The following DMD variants were observed in gnomAD, a reference collection of about 807,000 sequenced individuals.
DMD encodes the protein dystrophin.
In DMD, 63 loss-of-function variants were observed where a neutral mutation model predicts 330.1. The observed-to-expected ratio is 0.19, with a 90% CI of 0.16 to 0.24. The LOEUF (loss-of-function observed/expected upper bound fraction) is 0.24. Ranked by LOEUF, DMD falls within the 10% of genes least tolerant of loss-of-function variation. DMD has a pLI of 1.00. For synonymous variants in DMD, 1,223 were observed against 959.8 expected (o/e 1.27, Z -5.07); for missense variants, 3,344 against 2,684.1 (o/e 1.25, Z -5.43).
chrX:31,805,978 C>T (rs1255493593), intron 50 of DMD, among the ~76,000 whole-genome samples: 1 of 112,222 alleles, frequency 8.9e-6, no homozygotes, highest in East Asian at 2.8e-4. Context: ...TATTGGAACA[C>T]AGCCACACTT....
intron 50 of DMD, among the ~76,000 whole-genome samples, chrX:31,812,578 T>A (rs970463491): frequency 9.0e-6 from 1 of 110,992 alleles, no homozygotes; most frequent in Non-Finnish European, 1.9e-5. Context: ...AAAAAAAAGT[T>A]AAGCAAAAAT....
At chrX:31,325,451 A>AG (rs1452048687) in intron 61 of DMD, among the ~76,000 whole-genome samples, 1 of 105,487 alleles carries the variant, frequency 9.5e-6, no homozygotes, top group Non-Finnish European at 1.9e-5. Context: ...AATACCAAAA[A>AG]AAAAAAAAAA....
intron 16 of DMD, among the ~76,000 whole-genome samples, chrX:32,553,058 A>T (rs2049762262): frequency 8.9e-6 from 1 of 112,010 alleles, no homozygotes; most frequent in South Asian, 3.7e-4. Context: ...CAGCAATAAC[A>T]ATTATTGGGT....
At chrX:32,719,862 G>A (rs749744169) in intron 7 of DMD, among the ~76,000 whole-genome samples, 3 of 109,824 alleles carry the variant, frequency 2.7e-5, no homozygotes, top group Non-Finnish European at 3.8e-5. Context: ...ACCTCTGAAC[G>A]TTTATCACCA....
At chrX:31,148,279 A>C (rs1472813346) in intron 74 of DMD, among the ~76,000 whole-genome samples, 5 of 112,533 alleles carry the variant, frequency 4.4e-5, no homozygotes, top group African/African-American at 1.6e-4. Flanking sequence ...GCATGTTTTT[A>C]AACTTTAAAT....
At chrX:32,841,377 C>T (rs1417315046) in intron 4 of DMD, among the ~76,000 whole-genome samples, 1 of 111,419 alleles carries the variant, frequency 9.0e-6, no homozygotes, top group African/African-American at 3.3e-5. Flanking sequence ...AAAACAAATA[C>T]AAAAATAGAA....
At chrX:32,441,465 G>A in intron 27 of DMD, 151 bp from the exon 28 acceptor site, 2 of 489,024 alleles carry the variant, frequency 4.1e-6, no homozygotes, top group Non-Finnish European at 6.8e-6. Flanking sequence ...CAGCTAGACA[G>A]TTTCATCATC....
intron 2 of DMD, among the ~76,000 whole-genome samples, chrX:32,877,144 A>C (rs2083444172): frequency 8.9e-6 from 1 of 111,918 alleles, no homozygotes; most frequent in Non-Finnish European, 1.9e-5. Flanking sequence ...AGCTAGATGT[A>C]AACAAAGAAG....
In DMD at chrX:32,568,638, G is replaced by C. The variant is rs181565616; in HGVS notation, c.1813-2757C>G. Among the ~76,000 whole-genome samples, 382 of 111,610 alleles carry C rather than the reference G, an allele frequency of 3.4e-3. 1 individual carries two copies. Among genetic ancestry groups the C allele is most frequent in the African/African-American group, 0.011 (353 of 30,699 alleles). On this transcript the variant is annotated intron_variant, in intron 15 of 78. Coordinates refer to ENST00000357033, the MANE Select transcript of DMD (RefSeq NM_004006.3). ...CTGTATGACAAAAACACTGAACCCA[G>C]ACTTATACCTAGTAAATTTTAGATA... is the stretch of plus-strand genomic sequence containing the variant.
intron 2 of DMD, among the ~76,000 whole-genome samples, chrX:32,891,035 G>C (rs2085150047): frequency 8.9e-6 from 1 of 111,852 alleles, no homozygotes; most frequent in African/African-American, 3.2e-5. Context: ...TTGATTACAT[G>C]TTGAAATATT....
intron 44 of DMD, among the ~76,000 whole-genome samples, chrX:32,174,995 G>T (rs957851154): frequency 1.1e-4 from 12 of 111,953 alleles, no homozygotes; most frequent in Admixed American, 4.7e-4. Context: ...TTAGTATGGA[G>T]AGTTGAAGGT....
chrX:32,404,929 A>G (rs780118804), intron 30 of DMD, among the ~76,000 whole-genome samples: 1 of 111,750 alleles, frequency 8.9e-6, no homozygotes, highest in African/African-American at 3.2e-5. Flanking sequence ...GCTCTCAGCT[A>G]TATTTTCTTC....
At chrX:32,131,936 A>T (rs1489758234) in intron 44 of DMD, among the ~76,000 whole-genome samples, 1 of 111,564 alleles carries the variant, frequency 9.0e-6, no homozygotes, top group Non-Finnish European at 1.9e-5. Flanking sequence ...TGGAAAAAGC[A>T]TATCTGTCAT....
At chrX:32,401,698 A>C (rs1035805599) in intron 30 of DMD, among the ~76,000 whole-genome samples, 2 of 112,096 alleles carry the variant, frequency 1.8e-5, no homozygotes, top group African/African-American at 6.5e-5. Flanking sequence ...TACATTTTAA[A>C]ATAAACTAAA....
chrX:31,177,324 A>C (rs1259499273), intron 71 of DMD, among the ~76,000 whole-genome samples: 1 of 111,661 alleles, frequency 9.0e-6, no homozygotes, highest in African/African-American at 3.2e-5. Context: ...CTGAATATTT[A>C]GCTTGGAGAG....
intron 44 of DMD, among the ~76,000 whole-genome samples, chrX:32,040,810 G>C (rs1044315160): frequency 3.6e-5 from 4 of 111,387 alleles, no homozygotes; most frequent in African/African-American, 1.3e-4. Context: ...TAACTGAAAA[G>C]CTGCATGGGC....
At chrX:32,619,685 A>T (rs2057846316) in intron 11 of DMD, among the ~76,000 whole-genome samples, 1 of 111,924 alleles carries the variant, frequency 8.9e-6, no homozygotes. Flanking sequence ...GATGCTGCAT[A>T]CTATTGGCAG....
At chrX:32,282,553 T>C (rs1211394518) in intron 43 of DMD, among the ~76,000 whole-genome samples, 1 of 112,127 alleles carries the variant, frequency 8.9e-6, no homozygotes, top group African/African-American at 3.2e-5. Context: ...TTTAATACTT[T>C]GATGATGTGT....
At chrX:31,333,975 C>G (rs2057286986) in intron 61 of DMD, among the ~76,000 whole-genome samples, 1 of 111,060 alleles carries the variant, frequency 9.0e-6, no homozygotes, top group Middle Eastern at 4.7e-3. Context: ...CTCCGTCACC[C>G]AGGCTGGAGC....
Sources: gnomAD v4.1 joint callset for allele counts (sites outside exome capture counted in the v4.1 genomes callset) on GRCh38, gnomAD v4.1.1 for gene constraint, MANE v1.5 for transcripts, NCBI Gene and HGNC (gene_info 2026-07-23, HGNC 2026-07-21) for gene names.